The following PRR3 variants were observed in gnomAD, a reference collection of about 807,000 sequenced individuals.
The protein encoded by PRR3 is proline-rich protein 3.
A neutral mutation model predicts 22.4 loss-of-function variants in PRR3; 16 were observed. That is an observed-to-expected ratio of 0.71 (90% CI 0.48 to 1.09). The LOEUF (loss-of-function observed/expected upper bound fraction) is 1.09. Ranked by LOEUF, PRR3 falls within the 50% of genes least tolerant of loss-of-function variation. The probability of loss-of-function intolerance (pLI) is 0.00; values close to 1 mark genes in which losing one functional copy is unlikely to be tolerated. For synonymous variants in PRR3, 87 were observed against 88.6 expected (o/e 0.98, Z 0.10); for missense variants, 224 against 243.4 (o/e 0.92, Z 0.53).
upstream of PRR3, chr6:30,557,037 T>C: frequency 4.3e-6 from 3 of 699,340 alleles, no homozygotes; most frequent in Non-Finnish European, 7.8e-6. Flanking sequence ...CTGTTGACTC[T>C]GTGACACACT....
rs1800627917 is a variant in PRR3, at chr6:30,561,514, A to C, written c.170-320A>C. 1.7e-6 allele frequency: 1 copy of C among 581,350 alleles called. No individual in the cohort carries two copies. Among genetic ancestry groups the C allele is most frequent in the South Asian group, 1.7e-5 (1 of 59,480 alleles). The allele number at this position is 581,350 out of a possible 1,614,324, so 36.0% of individuals were successfully genotyped here. A position where few individuals can be genotyped will look rare whatever the true frequency, so the allele number is the denominator to read the frequency against. On this transcript the variant is annotated intron_variant, in intron 2 of 3. Transcript: ENST00000376560. This position sits in a 1 kb window ranked among gnomAD's most constrained non-coding sequence, Gnocchi z 4.0. The stretch of plus-strand genomic sequence containing the variant: ...GACATAAAAGAATGCAGACTGTATG[A>C]TTCCATTTTTGTGAAGTTCAAAAAC...
At position 30,561,722 on chromosome 6, in the gene PRR3, G is replaced by T. The variant is rs897918415; in HGVS notation, c.170-112G>T. On this transcript the variant is annotated intron_variant, in intron 2 of 3. Coordinates refer to ENST00000376560, the MANE Select transcript of PRR3 (RefSeq NM_025263.4). The surrounding 1 kb of genome is among the most constrained non-coding windows in gnomAD (Gnocchi z 4.0). ...ACTGGGTTGTGCACTTAAAACTGGTGTGTCTTTATGTATGCTGTTCTTCAA... is the reference window on the plus strand; with the variant it reads ...ACTGGGTTGTGCACTTAAAACTGGTTTGTCTTTATGTATGCTGTTCTTCAA... 11 of 934,022 alleles carry T rather than the reference G, an allele frequency of 1.2e-5. No homozygotes were observed. The highest frequency in any genetic ancestry group is 1.6e-5 in the Non-Finnish European group (10 of 642,486). The allele number at this position is 934,022 out of a possible 1,614,324, so 57.9% of individuals were successfully genotyped here.
At chr6:30,559,531 T>A (rs1048054215) in intron 2 of PRR3, among the ~76,000 whole-genome samples, 8 of 151,874 alleles carry the variant, frequency 5.3e-5, no homozygotes, top group East Asian at 3.8e-4. Context: ...ATTTGAAAAA[T>A]TGACAAAAAC....
At position 30,561,489 on chromosome 6, in the gene PRR3, G is replaced by A; in HGVS notation, c.170-345G>A. On this transcript the variant is annotated intron_variant, in intron 2 of 3. Transcript: ENST00000376560. The surrounding 1 kb of genome is among the most constrained non-coding windows in gnomAD (Gnocchi z 4.0). ...ACATGATGTTGAGCGAAAGGAGCCAGACATAAAAGAATGCAGACTGTATGA... is the reference window on the plus strand; with the variant it reads ...ACATGATGTTGAGCGAAAGGAGCCAAACATAAAAGAATGCAGACTGTATGA... 1.8e-6 allele frequency: 1 copy of A among 548,048 alleles called. No individual in the cohort carries two copies. The highest frequency in any genetic ancestry group is 4.3e-5 in the East Asian group (1 of 23,410). 33.9% of individuals were successfully genotyped at this position (548,048 alleles called of 1,614,324 possible). A position where few individuals can be genotyped will look rare whatever the true frequency, so the allele number is the denominator to read the frequency against.
At chr6:30,557,129 G>C (rs1312311506), upstream of PRR3, 3 of 702,632 alleles carry the variant, frequency 4.3e-6, no homozygotes, top group Admixed American at 2.0e-5. Context: ...GCAGCAAAGG[G>C]AAGGTGTGAG....
rs947702423 is a variant in PRR3, at chr6:30,563,503, A to G, written c.*1008A>G. The G allele has an allele frequency of 2.6e-5, 4 of 152,564 alleles. No homozygotes were observed. The highest frequency in any genetic ancestry group is 7.2e-5 in the African/African-American group (3 of 41,414). 9.5% of individuals were successfully genotyped at this position (152,564 alleles called of 1,614,324 possible). ...TGGACAGTACTGTTGCCCTCTTCCA[A>G]TCCTCTTCCCCTACATCCCTGGCAC... is the stretch of plus-strand genomic sequence containing the variant. On this transcript the variant is annotated 3_prime_UTR_variant, in exon 4 of 4. Coordinates refer to ENST00000376560, the MANE Select transcript of PRR3 (RefSeq NM_025263.4).
At chr6:30,557,258 C>A, upstream of PRR3, 1 of 1,031,158 alleles carries the variant, frequency 9.7e-7, no homozygotes. Context: ...TTGCTGCCCA[C>A]CGACCCCCCG....
intron 1 of PRR3, 85 bp downstream of exon 1, chr6:30,557,535 G>C: frequency 1.1e-6 from 1 of 948,898 alleles, no homozygotes; most frequent in Non-Finnish European, 1.6e-6. Context: ...GAAGGAGGGG[G>C]CTGTAACGGA....
upstream of PRR3, chr6:30,557,271 A>G: frequency 1.7e-6 from 2 of 1,156,374 alleles, no homozygotes; most frequent in South Asian, 2.6e-5. Context: ...ACCCCCCGGA[A>G]GCGGAAACAG....
chr6:30,558,440 T>C, intron 2 of PRR3: 1 of 548,330 alleles, frequency 1.8e-6, no homozygotes, highest in South Asian at 2.5e-5. Flanking sequence ...ACCCATAATG[T>C]TTTTGTGGAA....
rs1582544623 is a variant in PRR3, at chr6:30,563,121, G to C, written c.*626G>C. On this transcript the variant is annotated 3_prime_UTR_variant, in exon 4 of 4. Transcript: ENST00000376560. Reference sequence around the variant, plus strand: ...TATGATCACCGTGCTTTGTGAAACTGTGCATCCCCTTGTAGCCTTTCTCAG... The same window carrying C: ...TATGATCACCGTGCTTTGTGAAACTCTGCATCCCCTTGTAGCCTTTCTCAG... 1 of 152,600 alleles carries C rather than the reference G, an allele frequency of 6.6e-6. No homozygotes were observed. Among genetic ancestry groups the C allele is most frequent in the South Asian group, 2.1e-4 (1 of 4,824 alleles). The allele number at this position is 152,600 out of a possible 1,614,324, so 9.5% of individuals were successfully genotyped here. A position where few individuals can be genotyped will look rare whatever the true frequency, so the allele number is the denominator to read the frequency against.
At chr6:30,559,072 C>G (rs1235579207) in intron 2 of PRR3, among the ~76,000 whole-genome samples, 1 of 152,170 alleles carries the variant, frequency 6.6e-6, no homozygotes, top group South Asian at 2.1e-4. Flanking sequence ...ATAAATTGAA[C>G]TCCGTTAGAA....
rs61748658 is a variant in PRR3 at position 30,562,426 on chromosome 6, A to G, written c.498A>G (p.Lys166=). 0.01 allele frequency: 16,870 copies of G among 1,614,012 alleles called. 439 individuals are homozygous for G. The highest frequency in any genetic ancestry group is 0.052 in the African/African-American group (3,910 of 75,006). ...SDRPVCRHFA[K]KGHCRYEDLC... ...GCCCTGTCTGCCGACATTTTGCCAAAAAGGGCCACTGTCGATATGAGGACC... is the reference window on the plus strand; with the variant it reads ...GCCCTGTCTGCCGACATTTTGCCAAGAAGGGCCACTGTCGATATGAGGACC... Residue 166 remains lysine, a synonymous_variant, in exon 4 of 4, where the codon AAA becomes AAG. Transcript: ENST00000376560.
intron 1 of PRR3, among the ~76,000 whole-genome samples, chr6:30,557,669 G>A (rs1172316167): frequency 6.6e-6 from 1 of 152,256 alleles, no homozygotes; most frequent in Non-Finnish European, 1.5e-5. Context: ...TCTGGAGAAG[G>A]CGGGGGTGGA....
Position 30,562,511 on chromosome 6 carries a change from TC to T in PRR3, c.*18del. ...TCCTCTGTGAGACTGTGCCTTCCCATCCAGGCTGGAAGGAGCTCTCTGTGAC... is the reference window on the plus strand; with the variant it reads ...TCCTCTGTGAGACTGTGCCTTCCCATCAGGCTGGAAGGAGCTCTCTGTGAC... On this transcript the variant is annotated 3_prime_UTR_variant, in exon 4 of 4. Transcript: ENST00000376560. 6.6e-7 allele frequency: 1 copy of T among 1,521,488 alleles called. No individual in the cohort carries two copies. The highest frequency in any genetic ancestry group is 9.1e-7 in the Non-Finnish European group (1 of 1,096,980). The allele number at this position is 1,521,488 out of a possible 1,614,324, so 94.2% of individuals were successfully genotyped here.
intron 2 of PRR3, among the ~76,000 whole-genome samples, chr6:30,559,282 C>T (rs982457996): frequency 1.3e-5 from 2 of 152,138 alleles, no homozygotes; most frequent in Non-Finnish European, 2.9e-5. Context: ...GAGGCTGAGA[C>T]AGGAGAATCG....
upstream of PRR3, chr6:30,557,252 T>G (rs1800299069): frequency 2.1e-6 from 2 of 966,978 alleles, no homozygotes. Flanking sequence ...TCAGCATTGC[T>G]GCCCACCGAC....
At chr6:30,557,233 G>A (rs537564699), upstream of PRR3, 11 of 823,174 alleles carry the variant, frequency 1.3e-5, no homozygotes, top group Admixed American at 1.6e-4. Context: ...AAGTGGAATG[G>A]CGGGAGCCTC....
In PRR3 at chr6:30,563,650, GTTT is replaced by G. The variant is rs57902791; in HGVS notation, c.*1169_*1171del. ...GAGCTGTTGGAGAACTGAGAATGAG[GTTT>G]TTTTTTTTTTTTTCTTTTTAACTTT... On this transcript the variant is annotated 3_prime_UTR_variant, in exon 4 of 4. Coordinates refer to ENST00000376560, the MANE Select transcript of PRR3 (RefSeq NM_025263.4). The G allele has an allele frequency of 2.2e-5, 3 of 139,132 alleles. No individual in the cohort carries two copies. The highest frequency in any genetic ancestry group is 5.3e-5 in the African/African-American group (2 of 38,078). The allele number at this position is 139,132 out of a possible 1,614,324, so 8.6% of individuals were successfully genotyped here. A position where few individuals can be genotyped will look rare whatever the true frequency, so the allele number is the denominator to read the frequency against.
Sources: gnomAD v4.1 joint callset for allele counts (sites outside exome capture counted in the v4.1 genomes callset) on GRCh38, gnomAD v4.1.1 for gene constraint, Gnocchi (gnomAD v3.1) non-coding constraint, MANE v1.5 for transcripts, NCBI Gene and HGNC (gene_info 2026-07-23, HGNC 2026-07-21) for gene names.